Variants in UBR3 observed in about 807,000 individuals in gnomAD.
UBR3 encodes ubiquitin protein ligase E3 component n-recognin 3, also known as E3 ubiquitin-protein ligase UBR3.
Under a neutral mutation model 243.2 loss-of-function variants are expected in UBR3, and 85 were observed. The ratio of observed to expected loss-of-function variants is 0.35; its 90% confidence interval spans 0.29 to 0.42. The LOEUF is 0.42. UBR3 is among the 10% of genes least tolerant of loss of function. The pLI is 1.00. For synonymous variants in UBR3, 748 were observed against 799.8 expected, an observed-to-expected ratio of 0.94 and a Z score of 1.09; for missense variants, 1,686 against 2,300.8, an observed-to-expected ratio of 0.73 and a Z score of 5.47.
rs570976548 is a variant in UBR3 at position 169,859,996 on chromosome 2, C to T, written c.546-12240C>T. Among the ~76,000 whole-genome samples the T allele has an allele frequency of 1.6e-4, 25 of 152,232 alleles. No homozygotes were observed. The East Asian group carries it at 4.6e-3, about 28-fold the overall frequency. On this transcript the variant is annotated intron_variant, in intron 1 of 38. Transcript: ENST00000272793. The stretch of plus-strand genomic sequence containing the variant: ...CCTCCCAAAGTGCTGGGATTACAGG[C>T]GTGAGCCACCGCACCTGGTCTTATT...
chr2:169,852,850 C>CAAAAAAAAAAA (rs869283640), intron 1 of UBR3, among the ~76,000 whole-genome samples: 17 of 48,298 alleles, frequency 3.5e-4, no homozygotes, highest in African/African-American at 8.6e-4. Context: ...GACTTCATCT[C>CAAAAAAAAAAA]AAAAAAAAAA....
At chr2:169,890,183 GA>G (rs879502940) in intron 5 of UBR3, among the ~76,000 whole-genome samples, 30 of 152,186 alleles carry the variant, frequency 2.0e-4, no homozygotes, top group African/African-American at 7.2e-4. Flanking sequence ...ACCATACTAA[GA>G]AAATTAGAAA....
intron 26 of UBR3, among the ~76,000 whole-genome samples, chr2:169,996,255 A>C (rs1291122323): frequency 6.6e-6 from 1 of 152,194 alleles, no homozygotes; most frequent in South Asian, 2.1e-4. Flanking sequence ...TAGAGTAGAA[A>C]GAGTCCTAGA....
intron 1 of UBR3, among the ~76,000 whole-genome samples, chr2:169,844,253 C>T (rs1275492092): frequency 6.6e-6 from 1 of 152,126 alleles, no homozygotes; most frequent in Non-Finnish European, 1.5e-5. Context: ...CCCGCCTCAG[C>T]CTCCCAGAGT....
chr2:169,912,095 C>T (rs1156991760), intron 10 of UBR3, among the ~76,000 whole-genome samples: 2 of 152,044 alleles, frequency 1.3e-5, no homozygotes, highest in Non-Finnish European at 1.5e-5. Context: ...AGACTTTCAG[C>T]TTTTTAAAAA....
chr2:169,926,928 T>C lies in UBR3; in HGVS notation c.2295T>C (p.Ala765=). ...AEHERSMLEG[A]LTFLVILLSL... ...ATGAGAGGTCGATGTTAGAAGGCGC[T>C]CTTACATTTCTTGTGATTCTTTTGA... is the stretch of plus-strand genomic sequence containing the variant. The change falls in exon 16 of 39, where the codon GCT becomes GCC. Residue 765 remains alanine, a synonymous_variant. Transcript: ENST00000272793. 6.4e-7 allele frequency: 1 copy of C among 1,551,136 alleles called. No individual in the cohort carries two copies. The highest frequency in any genetic ancestry group is 1.4e-5 in the African/African-American group (1 of 73,164).
rs900024164 is a variant in UBR3 at position 170,065,613 on chromosome 2, A to AT, written c.5019+4179dup. Among the ~76,000 whole-genome samples the AT allele has an allele frequency of 1.2e-3, 175 of 151,036 alleles. 2 individuals carry two copies. In the Middle Eastern group the frequency reaches 0.027, roughly 23 times the overall value. On this transcript the variant is annotated intron_variant, in intron 35 of 38. Transcript: ENST00000272793. ...TTAATCGTCCAAGTAAGTCTGGAGC[A>AT]TTTTTTTTTATAAAGCTAATTAATT...
intron 30 of UBR3, among the ~76,000 whole-genome samples, chr2:170,022,905 C>T (rs546962887): frequency 2.1e-4 from 32 of 151,928 alleles, no homozygotes; most frequent in Admixed American, 1.3e-3. Flanking sequence ...TGGACCTGTT[C>T]CCAGACCTCA....
intron 24 of UBR3, among the ~76,000 whole-genome samples, chr2:169,979,795 C>G (rs757640642): frequency 6.6e-6 from 1 of 152,134 alleles, no homozygotes; most frequent in Non-Finnish European, 1.5e-5. Flanking sequence ...TGAAATTATT[C>G]TGTGTGACAC....
At chr2:169,836,154 G>A (rs1326199870) in intron 1 of UBR3, among the ~76,000 whole-genome samples, 1 of 137,606 alleles carries the variant, frequency 7.3e-6, no homozygotes, top group Non-Finnish European at 1.5e-5. Context: ...TGCGATCTCG[G>A]CTCACTGCAA....
Position 170,040,888 on chromosome 2 carries a change from A to C in UBR3, c.4563A>C (p.Gly1521=). 2 of 1,613,020 alleles carry C rather than the reference A, an allele frequency of 1.2e-6. No homozygotes were observed. The highest frequency in any genetic ancestry group is 2.7e-5 in the African/African-American group (2 of 75,010). Residue 1521 remains glycine, a synonymous_variant, in exon 32 of 39, where the codon GGA becomes GGC. Transcript: ENST00000272793. ...GACTACATTTTTCTTTTAGGCTGGGATATGAAGAACAACAGCCTGAGGTTC... is the reference window on the plus strand; with the variant it reads ...GACTACATTTTTCTTTTAGGCTGGGCTATGAAGAACAACAGCCTGAGGTTC... ...TQLEEMNPQL[G]YEEQQPEVPI... is the part of the protein sequence containing the mutation.
chr2:170,038,911 A>G (rs1180557564), intron 31 of UBR3, among the ~76,000 whole-genome samples: 1 of 151,996 alleles, frequency 6.6e-6, no homozygotes, highest in East Asian at 1.9e-4. Context: ...AGAGAGAAAG[A>G]TTATGGGTTC....
chr2:169,904,599 T>C (rs947059496), intron 8 of UBR3, among the ~76,000 whole-genome samples: 1 of 152,142 alleles, frequency 6.6e-6, no homozygotes, highest in African/African-American at 2.4e-5. Context: ...AAATGTGTGT[T>C]TTTTATCTTT....
chr2:170,012,715 C>T (rs2090122464), intron 29 of UBR3, among the ~76,000 whole-genome samples: 1 of 147,088 alleles, frequency 6.8e-6, no homozygotes, highest in Non-Finnish European at 1.5e-5. Flanking sequence ...GTAACTTGCT[C>T]AACTACTGAG....
intron 29 of UBR3, chr2:170,015,077 C>A: frequency 4.7e-6 from 2 of 422,318 alleles, no homozygotes; most frequent in Non-Finnish European, 8.4e-6. Flanking sequence ...TAAATATGAA[C>A]ATATAAGTAA....
chr2:170,061,179 G>A lies in UBR3; in HGVS notation c.4886G>A (p.Cys1629Tyr), dbSNP rs778093879. Reference sequence around the variant, plus strand: ...TACCATGAAGAAGGAACTCAGGAATGTGCAATGGTATGTTTCTGCAAAAAT... The same window carrying A: ...TACCATGAAGAAGGAACTCAGGAATATGCAATGGTATGTTTCTGCAAAAAT... ...KLYHEEGTQE[C>Y]AMVNPIAWSP... The change falls in exon 34 of 39, where the codon TGT becomes TAT. Residue 1629 changes from cysteine to tyrosine, a missense_variant. Physicochemically the swap from Cys to Tyr is radical, Grantham distance 194. This residue lies in a region of UBR3 where 371 missense variants were observed against 422.5 expected (regional missense o/e 0.88). Coordinates refer to ENST00000272793, the MANE Select transcript of UBR3 (RefSeq NM_172070.4). The A allele has an allele frequency of 6.3e-7, 1 of 1,591,868 alleles. No homozygotes were observed. Among genetic ancestry groups the A allele is most frequent in the Non-Finnish European group, 8.5e-7 (1 of 1,173,320 alleles).
In UBR3 at chr2:169,904,424, A is replaced by C. The variant is rs2084939818; in HGVS notation, c.1466-690A>C. The stretch of plus-strand genomic sequence containing the variant: ...ACTTCCTAGTCCAGTGAGTCAGTGA[A>C]GTTGGAATAGGTTAAAGAGAGTGAA... On this transcript the variant is annotated intron_variant, in intron 8 of 38. Coordinates refer to ENST00000272793, the MANE Select transcript of UBR3 (RefSeq NM_172070.4). Among the ~76,000 whole-genome samples the C allele has an allele frequency of 2.0e-5, 3 of 152,188 alleles. No individual in the cohort carries two copies. In the South Asian group the frequency reaches 6.2e-4, roughly 32 times the overall value.
chr2:169,969,617 C>T (rs992614006), intron 24 of UBR3, among the ~76,000 whole-genome samples: 8 of 149,010 alleles, frequency 5.4e-5, no homozygotes, highest in Non-Finnish European at 1.0e-4. Flanking sequence ...GGTGCAATCT[C>T]GGCTCACTGC....
intron 24 of UBR3, among the ~76,000 whole-genome samples, chr2:169,959,416 T>C (rs1165335617): frequency 1.3e-5 from 2 of 151,784 alleles, no homozygotes; most frequent in African/African-American, 2.4e-5. Flanking sequence ...TTTCTGAGCA[T>C]TGACTTTCCA....
Sources: allele counts gnomAD v4.1 joint callset (sites outside exome capture counted in the v4.1 genomes callset), GRCh38; gene constraint gnomAD v4.1.1; regional missense constraint gnomAD v4.1.1; transcripts MANE v1.5; gene names NCBI Gene and HGNC (gene_info 2026-07-23, HGNC 2026-07-21).